Variants in PHYHIPL observed in about 807,000 individuals in gnomAD.
PHYHIPL encodes the protein phytanoyl-CoA 2-hydroxylase interacting protein like, also known as phytanoyl-CoA hydroxylase-interacting protein-like.
PHYHIPL carries 9 observed loss-of-function variants against 33.4 expected under a neutral mutation model. That is an observed-to-expected ratio of 0.27 (90% CI 0.16 to 0.47). The LOEUF is 0.47. PHYHIPL is among the 20% of genes least tolerant of loss of function. The pLI is 0.99. For synonymous variants in PHYHIPL, 153 were observed against 154.1 expected, an observed-to-expected ratio of 0.99 and a Z score of 0.05; for missense variants, 365 against 460.7, an observed-to-expected ratio of 0.79 and a Z score of 1.90.
rs1466212162 is a variant in PHYHIPL, at chr10:59,188,228, G to T, written c.106+11269G>T. ...CTGCCTTCATTTTGTTATGTACCCGGTAGTCATTCAGGAACAGGTTGTTCG... is the reference window on the plus strand; with the variant it reads ...CTGCCTTCATTTTGTTATGTACCCGTTAGTCATTCAGGAACAGGTTGTTCG... On this transcript the variant is annotated intron_variant, in intron 1 of 4. Coordinates refer to ENST00000373880, the MANE Select transcript of PHYHIPL (RefSeq NM_032439.4). 4.6e-5 allele frequency among the ~76,000 whole-genome samples: 7 copies of T among 152,250 alleles called. No homozygotes were observed. In the South Asian group the frequency reaches 1.5e-3, roughly 32 times the overall value.
chr10:59,244,758 A>AT (rs1840587489), intron 4 of PHYHIPL, among the ~76,000 whole-genome samples: 1 of 151,970 alleles, frequency 6.6e-6, no homozygotes, highest in Admixed American at 6.6e-5. Flanking sequence ...TGTATGTGTG[A>AT]TTTTACCTGT....
intron 1 of PHYHIPL, chr10:59,177,563 C>G (rs1368521377): frequency 6.4e-7 from 1 of 1,551,678 alleles, no homozygotes; most frequent in African/African-American, 1.4e-5. Context: ...GGCTCTGAGT[C>G]AGACTGTCGA....
chr10:59,181,628 A>G (rs1305519764), intron 1 of PHYHIPL, among the ~76,000 whole-genome samples: 1 of 152,226 alleles, frequency 6.6e-6, no homozygotes, highest in Non-Finnish European at 1.5e-5. Context: ...AAGGATAGAC[A>G]TGTACTAGGA....
Position 59,246,167 on chromosome 10 carries a change from T to C in PHYHIPL, c.*576T>C, listed in dbSNP as rs1840689505. The C allele has an allele frequency of 1.3e-5, 2 of 152,746 alleles. No homozygotes were observed. The highest frequency in any genetic ancestry group is 1.3e-4 in the Admixed American group (2 of 15,282). 9.5% of individuals were successfully genotyped at this position (152,746 alleles called of 1,614,324 possible). A position where few individuals can be genotyped will look rare whatever the true frequency, so the allele number is the denominator to read the frequency against. On this transcript the variant is annotated 3_prime_UTR_variant, in exon 5 of 5. Transcript: ENST00000373880. Reference sequence around the variant, plus strand: ...AAAATATTTTATTTGTATTGTTGTATAAAATATTTACAATCATATAGAATA... The same window carrying C: ...AAAATATTTTATTTGTATTGTTGTACAAAATATTTACAATCATATAGAATA...
At chr10:59,244,326 G>A (rs1288389487) in intron 4 of PHYHIPL, among the ~76,000 whole-genome samples, 1 of 152,020 alleles carries the variant, frequency 6.6e-6, no homozygotes, top group Non-Finnish European at 1.5e-5. Context: ...CAGCACTTTG[G>A]GAGGCCGAGG....
At chr10:59,179,680 G>A (rs1838347127) in intron 1 of PHYHIPL, among the ~76,000 whole-genome samples, 1 of 151,700 alleles carries the variant, frequency 6.6e-6, no homozygotes, top group African/African-American at 2.4e-5. Context: ...TTTTGTTTTT[G>A]TTTTTGTCTG....
chr10:59,245,204 A>T lies in PHYHIPL; in HGVS notation c.744A>T (p.Gly248=). ...TGKPPQDSPY[G]RYRFEIAAEK... is the part of the protein sequence containing the mutation. Reference sequence around the variant, plus strand: ...AGCCACCCCAGGATTCACCTTATGGAAGATACAGGTTTGAGATTGCCGCAG... The same window carrying T: ...AGCCACCCCAGGATTCACCTTATGGTAGATACAGGTTTGAGATTGCCGCAG... Residue 248 remains glycine (G), a synonymous_variant, in exon 5 of 5, where the codon GGA becomes GGT. Transcript: ENST00000373880. The T allele has an allele frequency of 1.2e-6, 2 of 1,614,172 alleles. No homozygotes were observed. Among genetic ancestry groups the T allele is most frequent in the Admixed American group, 3.3e-5 (2 of 60,016 alleles).
chr10:59,222,412 T>C (rs1419337842), intron 1 of PHYHIPL, among the ~76,000 whole-genome samples: 2 of 151,912 alleles, frequency 1.3e-5, no homozygotes, highest in African/African-American at 4.8e-5. Flanking sequence ...CGAAATATTC[T>C]TTAAAAATAA....
chr10:59,240,040 C>T lies in PHYHIPL; in HGVS notation c.596+1335C>T, dbSNP rs75244987. ...AACACACGTAGGCATCTGTGTTCTT[C>T]AAATTAAGTACTTAGCAATAGAATG... On this transcript the variant is annotated intron_variant, in intron 4 of 4. Transcript: ENST00000373880. 9.5e-3 allele frequency among the ~76,000 whole-genome samples: 1,452 copies of T among 152,148 alleles called. 5 individuals are homozygous for T. Among genetic ancestry groups the T allele is most frequent in the Admixed American group, 0.021 (315 of 15,264 alleles).
At chr10:59,174,469 G>T (rs16913270), upstream of PHYHIPL, among the ~76,000 whole-genome samples, 9,427 of 152,030 alleles carry the variant, frequency 0.062, 607 homozygotes, top group African/African-American at 0.16. Context: ...ACAATGCCTC[G>T]ATTTGAAGCC....
At chr10:59,224,972 TG>T (rs1288168978) in intron 1 of PHYHIPL, among the ~76,000 whole-genome samples, 2 of 151,818 alleles carry the variant, frequency 1.3e-5, no homozygotes, top group African/African-American at 4.8e-5. Flanking sequence ...AAGAATAATC[TG>T]GTGAATGCTG....
At chr10:59,173,935 T>TG (rs1838208382), upstream of PHYHIPL, among the ~76,000 whole-genome samples, 2 of 101,228 alleles carry the variant, frequency 2.0e-5, no homozygotes, top group Non-Finnish European at 3.8e-5. Context: ...TTTTTTTTTT[T>TG]TTTTTTTTTT....
In PHYHIPL at chr10:59,197,802, T is replaced by C. The variant is rs116907344; in HGVS notation, c.106+20843T>C. 6.0e-3 allele frequency among the ~76,000 whole-genome samples: 918 copies of C among 152,312 alleles called. 9 individuals carry two copies. The highest frequency in any genetic ancestry group is 0.014 in the Middle Eastern group (4 of 294). ...CTTAAAATGTTGCTACCTGTTTTCA[T>C]TGACATCTACCTTATCTCCAAACTA... On this transcript the variant is annotated intron_variant, in intron 1 of 4. Transcript: ENST00000373880.
At chr10:59,177,761 C>A in intron 1 of PHYHIPL, 1 of 1,002,322 alleles carries the variant, frequency 1.0e-6, no homozygotes, top group Non-Finnish European at 1.5e-6. Context: ...AGTTACAGTG[C>A]TTCTGGGTTA....
chr10:59,200,455 T>A (rs1839065718), intron 1 of PHYHIPL, among the ~76,000 whole-genome samples: 1 of 152,226 alleles, frequency 6.6e-6, no homozygotes, highest in African/African-American at 2.4e-5. Context: ...TGGATTTGGT[T>A]TGCCAGGATT....
chr10:59,238,865 G>T (rs1840308317), intron 4 of PHYHIPL, 160 bp downstream of exon 4: 1 of 523,992 alleles, frequency 1.9e-6, no homozygotes, highest in Non-Finnish European at 3.4e-6. Flanking sequence ...AGTAGAAAAA[G>T]ATCATGGGAT....
chr10:59,203,519 A>C (rs778938219), intron 1 of PHYHIPL, among the ~76,000 whole-genome samples: 111 of 152,264 alleles, frequency 7.3e-4, no homozygotes, highest in Non-Finnish European at 1.5e-3. Flanking sequence ...AACCAACCCA[A>C]ATGTCCATCA....
intron 1 of PHYHIPL, among the ~76,000 whole-genome samples, chr10:59,199,458 A>G (rs1023496188): frequency 6.6e-6 from 1 of 152,112 alleles, no homozygotes; most frequent in East Asian, 1.9e-4. Context: ...TTGTTACCGT[A>G]GCCTTGTAGT....
intron 4 of PHYHIPL, among the ~76,000 whole-genome samples, chr10:59,244,586 A>AAG (rs1554801182): frequency 5.9e-5 from 8 of 136,578 alleles, no homozygotes; most frequent in African/African-American, 1.3e-4. Flanking sequence ...AAAAAAAAAA[A>AAG]GCCAAAACAA....
Sources: gnomAD v4.1 joint callset for allele counts (sites outside exome capture counted in the v4.1 genomes callset) on GRCh38, gnomAD v4.1.1 for gene constraint, MANE v1.5 for transcripts, NCBI Gene and HGNC (gene_info 2026-07-23, HGNC 2026-07-21) for gene names.